Variants in KCNQ5 observed in about 807,000 individuals in gnomAD.
KCNQ5 encodes the protein potassium voltage-gated channel subfamily KQT member 5.
In KCNQ5, 30 loss-of-function variants were observed where a neutral mutation model predicts 98.2. The ratio of observed to expected loss-of-function variants is 0.31; its 90% CI spans 0.23 to 0.41. The LOEUF is 0.41. Among genes scored for constraint, KCNQ5 ranks in the 10% least tolerant of loss-of-function variants. KCNQ5 has a pLI of 1.00. For synonymous variants in KCNQ5, 458 were observed against 449.4 expected (o/e 1.02, Z -0.24); for missense variants, 835 against 1,182.5 (o/e 0.71, Z 4.31).
chr6:73,025,641 A>T (rs1770843771), intron 2 of KCNQ5, among the ~76,000 whole-genome samples: 1 of 127,052 alleles, frequency 7.9e-6, no homozygotes, highest in Non-Finnish European at 1.5e-5. Flanking sequence ...AAAAAAAAAA[A>T]AAAAAAAAAA....
At chr6:72,650,420 T>C (rs935074842) in intron 1 of KCNQ5, among the ~76,000 whole-genome samples, 2 of 152,072 alleles carry the variant, frequency 1.3e-5, no homozygotes, top group African/African-American at 4.8e-5. Context: ...CAAGCTGACT[T>C]TCAGAATAGG....
At chr6:72,866,209 G>A (rs1353883166) in intron 1 of KCNQ5, among the ~76,000 whole-genome samples, 1 of 148,502 alleles carries the variant, frequency 6.7e-6, no homozygotes, top group Non-Finnish European at 1.5e-5. Context: ...TGTCCCCTCA[G>A]AATTTCCCCA....
At chr6:72,761,400 T>A (rs1277789444) in intron 1 of KCNQ5, among the ~76,000 whole-genome samples, 1 of 151,982 alleles carries the variant, frequency 6.6e-6, no homozygotes, top group Non-Finnish European at 1.5e-5. Flanking sequence ...AAATGATTAA[T>A]TGATAGTTAT....
At chr6:73,109,353 G>C (rs749799766) in intron 6 of KCNQ5, among the ~76,000 whole-genome samples, 1 of 152,190 alleles carries the variant, frequency 6.6e-6, no homozygotes, top group African/African-American at 2.4e-5. Flanking sequence ...ATGGTAGCTA[G>C]TGCTGTTAAT....
intron 1 of KCNQ5, among the ~76,000 whole-genome samples, chr6:72,834,755 C>T (rs769513847): frequency 2.0e-5 from 3 of 152,114 alleles, no homozygotes; most frequent in Non-Finnish European, 4.4e-5. Flanking sequence ...TCTTAACATG[C>T]ATGTGTAACT....
In KCNQ5 at chr6:72,838,714, G is replaced by A. The variant is rs1269629626; in HGVS notation, c.399-165194G>A. Among the ~76,000 whole-genome samples, 7 of 151,884 alleles carry A rather than the reference G, an allele frequency of 4.6e-5. No homozygotes were observed. In the South Asian group the frequency reaches 8.3e-4, roughly 18 times the overall value. ...GCCTGTAATCCCAGCACTTTGGGAG[G>A]CCGAGGCGGGCGGATCACGAGGTCA... On this transcript the variant is annotated intron_variant, in intron 1 of 13. Coordinates refer to ENST00000370398, the MANE Select transcript of KCNQ5 (RefSeq NM_019842.4).
At chr6:72,826,099 A>G (rs1582365057) in intron 1 of KCNQ5, among the ~76,000 whole-genome samples, 1 of 152,066 alleles carries the variant, frequency 6.6e-6, no homozygotes, top group African/African-American at 2.4e-5. Context: ...AGCTCTGGAG[A>G]CTGTAATTTG....
chr6:72,700,851 C>T (rs1768770473), intron 1 of KCNQ5, among the ~76,000 whole-genome samples: 2 of 152,296 alleles, frequency 1.3e-5, no homozygotes, highest in South Asian at 4.1e-4. Flanking sequence ...CAAACCCATC[C>T]CTCAGCTAAG....
At chr6:72,962,542 G>A (rs1161288979) in intron 1 of KCNQ5, among the ~76,000 whole-genome samples, 1 of 152,062 alleles carries the variant, frequency 6.6e-6, no homozygotes, top group East Asian at 1.9e-4. Context: ...TCAGAACAGA[G>A]AGAGAAGCCA....
At chr6:72,848,857 T>A (rs537524416) in intron 1 of KCNQ5, among the ~76,000 whole-genome samples, 1 of 152,280 alleles carries the variant, frequency 6.6e-6, no homozygotes, top group South Asian at 2.1e-4. Context: ...AAGAAGGACG[T>A]GTTTGCTTCC....
chr6:72,705,889 T>C (rs6903328), intron 1 of KCNQ5, among the ~76,000 whole-genome samples: 151,454 of 152,112 alleles, frequency 1, 75,406 homozygotes, highest in Middle Eastern at 1. Flanking sequence ...AAAATTTATT[T>C]TTTTGGGTAT....
intron 1 of KCNQ5, among the ~76,000 whole-genome samples, chr6:72,655,490 T>C (rs1380833022): frequency 6.6e-6 from 1 of 151,998 alleles, no homozygotes. Context: ...AAGAAATTCC[T>C]AGAGAAAGTG....
chr6:72,739,440 C>A (rs1771016063), intron 1 of KCNQ5, among the ~76,000 whole-genome samples: 1 of 152,140 alleles, frequency 6.6e-6, no homozygotes, highest in South Asian at 2.1e-4. Flanking sequence ...TTTACCACAT[C>A]CTGTTCTATC....
At chr6:72,771,741 A>G (rs1561973002) in intron 1 of KCNQ5, among the ~76,000 whole-genome samples, 1 of 150,886 alleles carries the variant, frequency 6.6e-6, no homozygotes. Flanking sequence ...TCTGATGGTA[A>G]TGTTATTTCT....
chr6:72,867,941 T>C (rs910078488), intron 1 of KCNQ5, among the ~76,000 whole-genome samples: 9 of 150,940 alleles, frequency 6.0e-5, no homozygotes, highest in Non-Finnish European at 1.2e-4. Context: ...ATAATACTAA[T>C]AATACTAATA....
intron 1 of KCNQ5, among the ~76,000 whole-genome samples, chr6:72,698,627 CTG>C (rs201823612): frequency 1.5e-5 from 2 of 135,512 alleles, no homozygotes; most frequent in African/African-American, 5.6e-5. Flanking sequence ...GGAAGTAAAT[CTG>C]TGTTTTTTTC....
rs184879653 is a variant in KCNQ5 at position 73,151,500 on chromosome 6, C to T, written c.1468+17859C>T. Reference sequence around the variant, plus strand: ...AAATTCAGCATCTACATTATGTATACATATTACACTGCACTATGGTTGTTT... The same window carrying T: ...AAATTCAGCATCTACATTATGTATATATATTACACTGCACTATGGTTGTTT... On this transcript the variant is annotated intron_variant, in intron 10 of 13. Transcript: ENST00000370398. Among the ~76,000 whole-genome samples the T allele has an allele frequency of 3.4e-3, 524 of 152,324 alleles. 6 individuals carry two copies. The highest frequency in any genetic ancestry group is 5.0e-3 in the Admixed American group (77 of 15,304).
Position 73,024,122 on chromosome 6 carries a change from A to C in KCNQ5, c.490-17814A>C, listed in dbSNP as rs117916308. ...TCAAAGGGAATGTCTTGCTCTTGAC[A>C]ACCACACACCTAAGCTATTATGAAC... is the stretch of plus-strand genomic sequence containing the variant. On this transcript the variant is annotated intron_variant, in intron 2 of 13. Transcript: ENST00000370398. Among the ~76,000 whole-genome samples, 16 of 152,304 alleles carry C rather than the reference A, an allele frequency of 1.1e-4. No homozygotes were observed. In the East Asian group the frequency reaches 3.1e-3, roughly 29 times the overall value.
chr6:72,770,201 A>T (rs1324490197), intron 1 of KCNQ5, among the ~76,000 whole-genome samples: 1 of 152,162 alleles, frequency 6.6e-6, no homozygotes, highest in Non-Finnish European at 1.5e-5. Context: ...ATCAGGTGAA[A>T]TTATTTTGTT....
Sources: allele counts gnomAD v4.1 joint callset (sites outside exome capture counted in the v4.1 genomes callset), GRCh38; gene constraint gnomAD v4.1.1; transcripts MANE v1.5; gene names NCBI Gene and HGNC (gene_info 2026-07-23, HGNC 2026-07-21).